The following RBFOX1 variants were observed in gnomAD, a reference collection of about 807,000 sequenced individuals.
The protein encoded by RBFOX1 is RNA binding fox-1 homolog 1, also known as RNA binding protein fox-1 homolog 1.
A neutral mutation model predicts 57.7 loss-of-function variants in RBFOX1; 8 were observed. The observed-to-expected ratio is 0.14, with a 90% CI of 0.08 to 0.25. The LOEUF is 0.25. Ranked by LOEUF, RBFOX1 falls within the 10% of genes least tolerant of loss-of-function variation. RBFOX1 has a pLI of 1.00. For missense variants in RBFOX1, 611 were observed against 548.5 expected, an observed-to-expected ratio of 1.11 and a Z score of -1.14; for synonymous variants, 326 against 222.4, an observed-to-expected ratio of 1.47 and a Z score of -4.15.
At chr16:7,649,616 G>C (rs991190420) in intron 11 of RBFOX1, among the ~76,000 whole-genome samples, 1 of 152,176 alleles carries the variant, frequency 6.6e-6, no homozygotes, top group African/African-American at 2.4e-5. Flanking sequence ...GTTATAGAAG[G>C]TGGACAGTGA....
At chr16:6,666,465 G>T (rs1383968608) in intron 3 of RBFOX1, among the ~76,000 whole-genome samples, 1 of 151,078 alleles carries the variant, frequency 6.6e-6, no homozygotes. Context: ...ACTTGAACCT[G>T]GAAGGCAGAG....
rs1354876604 is a variant in RBFOX1 at position 6,795,845 on chromosome 16, G to A, written c.-16+141195G>A. Among the ~76,000 whole-genome samples, 6 of 151,212 alleles carry A rather than the reference G, an allele frequency of 4.0e-5. No individual in the cohort carries two copies. In the East Asian group the frequency reaches 9.7e-4, roughly 24 times the overall value. The stretch of plus-strand genomic sequence containing the variant: ...CATGAGAAAACAAGAAATGACACAT[G>A]TATGTCAGCTTTCCACAAAATCACC... On this transcript the variant is annotated intron_variant, in intron 3 of 15. Coordinates refer to ENST00000550418, the MANE Select transcript of RBFOX1 (RefSeq NM_018723.4).
At chr16:6,120,744 C>A (rs994735138) in intron 1 of RBFOX1, among the ~76,000 whole-genome samples, 5 of 152,232 alleles carry the variant, frequency 3.3e-5, no homozygotes, top group South Asian at 2.1e-4. Context: ...GTCTGAGTAA[C>A]CTTTTAGCAA....
At chr16:6,676,180 A>T (rs937486363) in intron 3 of RBFOX1, among the ~76,000 whole-genome samples, 9 of 133,388 alleles carry the variant, frequency 6.7e-5, no homozygotes, top group Non-Finnish European at 1.1e-4. Flanking sequence ...ACACACACAC[A>T]CTTCCCTAGG....
At chr16:6,588,620 C>G (rs1173197807) in intron 2 of RBFOX1, among the ~76,000 whole-genome samples, 4 of 152,134 alleles carry the variant, frequency 2.6e-5, no homozygotes, top group East Asian at 1.9e-4. Context: ...CCACTGCACT[C>G]CAGTCTGGGC....
chr16:6,142,336 C>G (rs1343765950), intron 1 of RBFOX1, among the ~76,000 whole-genome samples: 2 of 150,032 alleles, frequency 1.3e-5, no homozygotes, highest in East Asian at 4.0e-4. Flanking sequence ...ATTCTCCTGT[C>G]TCAGCCTCCC....
chr16:7,326,318 G>A (rs11863167), intron 4 of RBFOX1, among the ~76,000 whole-genome samples: 34,772 of 152,040 alleles, frequency 0.23, 4,370 homozygotes, highest in African/African-American at 0.32. Context: ...TAGATCACGA[G>A]TGCTGGGATT....
At chr16:6,686,774 C>T (rs954389845) in intron 3 of RBFOX1, among the ~76,000 whole-genome samples, 1 of 152,180 alleles carries the variant, frequency 6.6e-6, no homozygotes, top group African/African-American at 2.4e-5. Flanking sequence ...CCCCATTACA[C>T]ACACCCAACC....
chr16:6,108,189 A>G (rs1233049466), intron 1 of RBFOX1, among the ~76,000 whole-genome samples: 2 of 152,172 alleles, frequency 1.3e-5, no homozygotes, highest in African/African-American at 4.8e-5. Context: ...TGCAATATAC[A>G]TGTCTCTGTT....
intron 4 of RBFOX1, among the ~76,000 whole-genome samples, chr16:7,447,051 A>T (rs564208949): frequency 6.6e-6 from 1 of 151,556 alleles, no homozygotes; most frequent in African/African-American, 2.4e-5. Flanking sequence ...TGACCTTGTG[A>T]TCTACCCGCC....
intron 4 of RBFOX1, among the ~76,000 whole-genome samples, chr16:7,334,772 G>A (rs1257565390): frequency 6.6e-6 from 1 of 152,174 alleles, no homozygotes; most frequent in African/African-American, 2.4e-5. Context: ...TGAGAAATTG[G>A]GGAGGCCCTA....
At chr16:6,264,193 A>T (rs1053311338) in intron 1 of RBFOX1, among the ~76,000 whole-genome samples, 1 of 152,120 alleles carries the variant, frequency 6.6e-6, no homozygotes, top group Non-Finnish European at 1.5e-5. Context: ...GTTCTCTTGG[A>T]TAATCCATCT....
chr16:6,685,204 AGGT>A (rs2059242752), intron 3 of RBFOX1, among the ~76,000 whole-genome samples: 1 of 151,098 alleles, frequency 6.6e-6, no homozygotes, highest in African/African-American at 2.4e-5. Context: ...TAAAGACAGG[AGGT>A]GTTGTTAATC....
At chr16:7,106,864 A>T (rs940629318) in intron 4 of RBFOX1, among the ~76,000 whole-genome samples, 3 of 152,142 alleles carry the variant, frequency 2.0e-5, no homozygotes, top group Non-Finnish European at 4.4e-5. Flanking sequence ...TAATTAATTC[A>T]TGAAACAAGT....
chr16:5,402,447 T>G (rs1657650233), intron 1 of RBFOX1, among the ~76,000 whole-genome samples: 1 of 152,160 alleles, frequency 6.6e-6, no homozygotes, highest in Non-Finnish European at 1.5e-5. Flanking sequence ...ACCTCCCCCA[T>G]TTTCTATTCT....
At chr16:6,305,284 C>A (rs952180840) in intron 1 of RBFOX1, among the ~76,000 whole-genome samples, 1 of 152,206 alleles carries the variant, frequency 6.6e-6, no homozygotes, top group African/African-American at 2.4e-5. Flanking sequence ...CTAACCCTCT[C>A]TGAACATCAT....
At chr16:5,570,802 C>T (rs527950965) in intron 2 of RBFOX1, among the ~76,000 whole-genome samples, 16 of 147,474 alleles carry the variant, frequency 1.1e-4, no homozygotes, top group South Asian at 2.1e-4. Flanking sequence ...ATTGCACCAC[C>T]GTACTCCAGT....
chr16:5,358,087 C>T lies in RBFOX1; in HGVS notation c.220-109129C>T, dbSNP rs114728232. 3.4e-3 allele frequency among the ~76,000 whole-genome samples: 516 copies of T among 152,102 alleles called. 2 individuals carry two copies. The highest frequency in any genetic ancestry group is 0.012 in the African/African-American group (487 of 41,434). On this transcript the variant is annotated intron_variant, in intron 1 of 2. Transcript: ENST00000585867. Reference sequence around the variant, plus strand: ...ACCAAGATGTCGGCAGTATGGCTTCCACTGGAGGGCTGTGGGAAATCATCT... The same window carrying T: ...ACCAAGATGTCGGCAGTATGGCTTCTACTGGAGGGCTGTGGGAAATCATCT...
At chr16:5,742,314 CCCTCCCTTCCTCCCTT>C (rs1308358155) in intron 3 of RBFOX1, among the ~76,000 whole-genome samples, 1 of 144,588 alleles carries the variant, frequency 6.9e-6, no homozygotes, top group Non-Finnish European at 1.5e-5. Flanking sequence ...CTTCCTCCCT[CCCTCCCTTCCTCCCTT>C]CCTTCCTCTC....
Sources: allele counts gnomAD v4.1 joint callset (sites outside exome capture counted in the v4.1 genomes callset), GRCh38; gene constraint gnomAD v4.1.1; transcripts MANE v1.5; gene names NCBI Gene and HGNC (gene_info 2026-07-23, HGNC 2026-07-21).